KIF26B: variants seen among roughly 807,000 people sequenced by gnomAD.
The protein encoded by KIF26B is kinesin family member 26B.
A neutral mutation model predicts 151.2 loss-of-function variants in KIF26B; 63 were observed. The ratio of observed to expected loss-of-function variants is 0.42; its 90% CI spans 0.34 to 0.51. The LOEUF (loss-of-function observed/expected upper bound fraction) is 0.51, where lower values mean the gene tolerates loss of function less well. Among genes scored for constraint, KIF26B ranks in the 20% least tolerant of loss-of-function variants. KIF26B has a pLI of 0.07. For synonymous variants in KIF26B, 1,357 were observed against 1,262.1 expected, an observed-to-expected ratio of 1.08 and a Z score of -1.59; for missense variants, 2,813 against 2,913.6, an observed-to-expected ratio of 0.97 and a Z score of 0.79.
intron 4 of KIF26B, among the ~76,000 whole-genome samples, chr1:245,426,291 A>G (rs1756916): frequency 0.12 from 18,915 of 151,642 alleles, 1,509 homozygotes; most frequent in African/African-American, 0.22. Context: ...CTGTTGACGA[A>G]AAATATGTCT....
At chr1:245,677,382 T>C (rs897167540) in intron 10 of KIF26B, among the ~76,000 whole-genome samples, 16 of 152,240 alleles carry the variant, frequency 1.1e-4, no homozygotes, top group African/African-American at 3.6e-4. Context: ...ACTTGAGAAC[T>C]TGGCTTCTCT....
chr1:245,407,764 A>G (rs1674171895), intron 3 of KIF26B, among the ~76,000 whole-genome samples: 1 of 152,230 alleles, frequency 6.6e-6, no homozygotes. Context: ...GATAAATTCC[A>G]TATCCAGACA....
chr1:245,654,756 C>T (rs2044055632), intron 10 of KIF26B, among the ~76,000 whole-genome samples: 1 of 152,220 alleles, frequency 6.6e-6, no homozygotes, highest in African/African-American at 2.4e-5. Flanking sequence ...AAGACAGCTT[C>T]CATCTCCCGC....
At chr1:245,554,626 AGG>A (rs1661975707) in intron 5 of KIF26B, among the ~76,000 whole-genome samples, 1 of 67,104 alleles carries the variant, frequency 1.5e-5, no homozygotes, top group Admixed American at 2.2e-4. Context: ...ATGGCAGATA[AGG>A]CTGAAATTTG....
At chr1:245,673,380 C>G (rs371898737) in intron 10 of KIF26B, among the ~76,000 whole-genome samples, 45 of 98,142 alleles carry the variant, frequency 4.6e-4, no homozygotes, top group East Asian at 1.4e-3. Flanking sequence ...GTCCCCGCTG[C>G]GCGCTGCCAT....
At position 245,367,998 on chromosome 1, in the gene KIF26B, G is replaced by A. The variant is rs1673004493; in HGVS notation, c.999+631G>A. ...GATATTGTGAGTCCCAGGAATCACG[G>A]TTTTAAAGCAGCCTGTGGAAGTGCT... is the stretch of plus-strand genomic sequence containing the variant. On this transcript the variant is annotated intron_variant, in intron 3 of 14. Coordinates refer to ENST00000407071, the MANE Select transcript of KIF26B (RefSeq NM_018012.4). The surrounding 1 kb of genome is among the most constrained non-coding windows in gnomAD (Gnocchi z 4.2). Among the ~76,000 whole-genome samples, 1 of 152,190 alleles carries A rather than the reference G, an allele frequency of 6.6e-6. No individual in the cohort carries two copies. The highest frequency in any genetic ancestry group is 1.5e-5 in the Non-Finnish European group (1 of 68,036).
At position 245,607,772 on chromosome 1, in the gene KIF26B, G is replaced by A. The variant is rs369437150; in HGVS notation, c.1651+28G>A. The A allele has an allele frequency of 6.7e-5, 104 of 1,558,158 alleles. No homozygotes were observed. The African/African-American group carries it at 1.4e-3, about 20-fold the overall frequency. ...TCGTGAGAGTTTCACTTTCTCATGC[G>A]GCTCGTTGAGCTCCCTGTCATCCCA... On this transcript the variant is annotated intron_variant, in intron 7 of 14. Coordinates refer to ENST00000407071, the MANE Select transcript of KIF26B (RefSeq NM_018012.4).
intron 2 of KIF26B, among the ~76,000 whole-genome samples, chr1:245,249,541 G>A (rs1388286755): frequency 7.3e-6 from 1 of 136,338 alleles, no homozygotes; most frequent in East Asian, 2.2e-4. Flanking sequence ...AGGCCGGAGT[G>A]CAATGGCATG....
chr1:245,338,672 A>G (rs1672280464), intron 2 of KIF26B, among the ~76,000 whole-genome samples: 1 of 152,180 alleles, frequency 6.6e-6, no homozygotes, highest in Non-Finnish European at 1.5e-5. Context: ...ATTAGCTCTG[A>G]GTCTTTTCTG....
At chr1:245,678,794 C>T (rs753565285) in intron 10 of KIF26B, among the ~76,000 whole-genome samples, 6 of 151,586 alleles carry the variant, frequency 4.0e-5, no homozygotes, top group African/African-American at 7.3e-5. Context: ...ACCCAGGAGG[C>T]GGAGGTTGCC....
intron 5 of KIF26B, among the ~76,000 whole-genome samples, chr1:245,553,272 C>A (rs569348180): frequency 3.9e-5 from 6 of 152,316 alleles, no homozygotes; most frequent in Non-Finnish European, 7.3e-5. Flanking sequence ...GGCCTATGAA[C>A]GCCAACTCTG....
chr1:245,647,945 T>C (rs937987564), intron 10 of KIF26B, among the ~76,000 whole-genome samples: 2 of 152,170 alleles, frequency 1.3e-5, no homozygotes, highest in Admixed American at 1.3e-4. Context: ...ATATTCTGAG[T>C]TGAAGAATTA....
At chr1:245,552,760 C>T (rs1661924056) in intron 5 of KIF26B, among the ~76,000 whole-genome samples, 3 of 152,068 alleles carry the variant, frequency 2.0e-5, no homozygotes, top group South Asian at 2.1e-4. Flanking sequence ...CCACCACTCC[C>T]GGCTAATTTT....
rs776971880 is a variant in KIF26B at position 245,540,695 on chromosome 1, A to G, written c.1167-72A>G. Reference sequence around the variant, plus strand: ...CAGAAAGAACGAGGGGTTGTTTAAGAGAAAACGAAGTAAGCCTAGCAGATC... The same window carrying G: ...CAGAAAGAACGAGGGGTTGTTTAAGGGAAAACGAAGTAAGCCTAGCAGATC... On this transcript the variant is annotated intron_variant, in intron 4 of 14. Transcript: ENST00000407071. The surrounding 1 kb of genome is among the most constrained non-coding windows in gnomAD (Gnocchi z 4.6). 4.3e-6 allele frequency: 6 copies of G among 1,387,006 alleles called. No individual in the cohort carries two copies. The East Asian group carries it at 1.4e-4, about 32-fold the overall frequency. 85.9% of individuals were successfully genotyped at this position (1,387,006 alleles called of 1,614,324 possible). A position where few individuals can be genotyped will look rare whatever the true frequency, so the allele number is the denominator to read the frequency against.
chr1:245,400,180 C>T (rs1203302725), intron 3 of KIF26B, among the ~76,000 whole-genome samples: 7 of 152,156 alleles, frequency 4.6e-5, no homozygotes, highest in Non-Finnish European at 7.3e-5. Flanking sequence ...GAAGATATTT[C>T]ACTGTGGTCT....
chr1:245,535,401 A>G (rs1341009292), intron 4 of KIF26B, among the ~76,000 whole-genome samples: 1 of 152,210 alleles, frequency 6.6e-6, no homozygotes, highest in East Asian at 1.9e-4. Context: ...ATAATTTTAT[A>G]TGCATTCTCA....
rs1668631333 is a variant in KIF26B, at chr1:245,167,248, CA to C, written c.465+10566del. 6.6e-6 allele frequency among the ~76,000 whole-genome samples: 1 copy of C among 151,974 alleles called. No homozygotes were observed. The highest frequency in any genetic ancestry group is 2.4e-5 in the African/African-American group (1 of 41,354). ...TAAATTAAAATCCGCTTTTCTATCA[CA>C]GGGGTGACAAATAGAAACTTTTATT... is the stretch of plus-strand genomic sequence containing the variant. On this transcript the variant is annotated intron_variant, in intron 2 of 14. Transcript: ENST00000407071. The surrounding 1 kb of genome is among the most constrained non-coding windows in gnomAD (Gnocchi z 4.2).
intron 4 of KIF26B, among the ~76,000 whole-genome samples, chr1:245,532,248 C>CTTTTCTTTTCTTTTCT (rs374051918): frequency 6.6e-5 from 8 of 121,484 alleles, no homozygotes; most frequent in South Asian, 2.5e-4. Context: ...CTTTTCTTTT[C>CTTTTCTTTTCTTTTCT]TTTTTTTTTT....
chr1:245,662,042 C>T (rs1270997010), intron 10 of KIF26B, among the ~76,000 whole-genome samples: 5 of 148,178 alleles, frequency 3.4e-5, no homozygotes. Flanking sequence ...TACACACACC[C>T]TATGATATAC....
Sources: allele counts gnomAD v4.1 joint callset (sites outside exome capture counted in the v4.1 genomes callset), GRCh38; gene constraint gnomAD v4.1.1; non-coding constraint Gnocchi (gnomAD v3.1); transcripts MANE v1.5; gene names NCBI Gene and HGNC (gene_info 2026-07-23, HGNC 2026-07-21).